DTWD2: variants seen among roughly 807,000 people sequenced by gnomAD.
DTWD2 encodes DTW motif tRNA-uridine aminocarboxypropyltransferase 2, also known as tRNA-uridine aminocarboxypropyltransferase 2.
DTWD2 carries 39 observed loss-of-function variants against 31.8 expected under a neutral mutation model. The observed-to-expected ratio is 1.22, with a 90% CI of 0.95 to 1.60. The LOEUF (loss-of-function observed/expected upper bound fraction) is 1.60, where lower values mean the gene tolerates loss of function less well. Among genes scored for constraint, DTWD2 ranks in the 40% most tolerant of loss-of-function variants. DTWD2 has a pLI of 0.00. For synonymous variants in DTWD2, 180 were observed against 142.8 expected, an observed-to-expected ratio of 1.26 and a Z score of -1.86; for missense variants, 515 against 381.5, an observed-to-expected ratio of 1.35 and a Z score of -2.92.
At chr5:118,932,703 A>G (rs1753954939) in intron 3 of DTWD2, among the ~76,000 whole-genome samples, 1 of 152,188 alleles carries the variant, frequency 6.6e-6, no homozygotes, top group South Asian at 2.1e-4. Context: ...GTTCAGAGGG[A>G]CAACCATATG....
At chr5:118,872,106 CCT>C (rs2149550062) in intron 4 of DTWD2, among the ~76,000 whole-genome samples, 1 of 152,310 alleles carries the variant, frequency 6.6e-6, no homozygotes, top group East Asian at 1.9e-4. Context: ...AGCTTCATCA[CCT>C]CTCTCAATCT....
chr5:118,930,643 A>C (rs542072199), intron 3 of DTWD2, among the ~76,000 whole-genome samples: 1 of 152,220 alleles, frequency 6.6e-6, no homozygotes, highest in Non-Finnish European at 1.5e-5. Flanking sequence ...TTTTCTACCT[A>C]TTATTTAACC....
intron 3 of DTWD2, among the ~76,000 whole-genome samples, chr5:118,932,251 A>G (rs566565899): frequency 6.7e-6 from 1 of 150,046 alleles, no homozygotes; most frequent in East Asian, 2.0e-4. Context: ...CAGAGGCAGG[A>G]GGGTCACTTG....
intron 1 of DTWD2, among the ~76,000 whole-genome samples, chr5:118,985,515 T>TATATAC: frequency 7.6e-6 from 1 of 132,048 alleles, no homozygotes; most frequent in Non-Finnish European, 1.6e-5. Context: ...TATATATATA[T>TATATAC]ATACACACAC....
At chr5:118,863,153 G>A (rs543048983) in intron 4 of DTWD2, among the ~76,000 whole-genome samples, 71 of 152,202 alleles carry the variant, frequency 4.7e-4, no homozygotes, top group Non-Finnish European at 9.3e-4. Flanking sequence ...ACTGCGTTAC[G>A]TTTTTCAGTT....
intron 1 of DTWD2, among the ~76,000 whole-genome samples, chr5:118,968,743 G>C (rs1166948943): frequency 1.3e-5 from 2 of 152,202 alleles, no homozygotes; most frequent in Non-Finnish European, 2.9e-5. Context: ...TGCATACTCT[G>C]GCCCTGGGAA....
At chr5:118,847,231 GAGAA>G (rs745496142) in intron 5 of DTWD2, among the ~76,000 whole-genome samples, 1 of 152,146 alleles carries the variant, frequency 6.6e-6, no homozygotes, top group East Asian at 1.9e-4. Context: ...AATGGATAAT[GAGAA>G]AGAAAGAAGG....
chr5:118,851,124 G>A (rs909848901), intron 4 of DTWD2, among the ~76,000 whole-genome samples: 5 of 150,252 alleles, frequency 3.3e-5, no homozygotes, highest in Non-Finnish European at 7.4e-5. Flanking sequence ...GTACACATCT[G>A]TGGAGAATCA....
chr5:118,880,652 T>C (rs1203714493), intron 4 of DTWD2, among the ~76,000 whole-genome samples: 1 of 152,180 alleles, frequency 6.6e-6, no homozygotes, highest in Non-Finnish European at 1.5e-5. Context: ...TATTCATTAT[T>C]CTGAAAACAA....
chr5:118,852,705 A>G (rs938070570), intron 4 of DTWD2, among the ~76,000 whole-genome samples: 6 of 127,484 alleles, frequency 4.7e-5, no homozygotes, highest in African/African-American at 1.7e-4. Flanking sequence ...TGACCCAGAA[A>G]TCTCATAACT....
At chr5:118,927,991 A>C (rs1162319162) in intron 4 of DTWD2, among the ~76,000 whole-genome samples, 1 of 152,146 alleles carries the variant, frequency 6.6e-6, no homozygotes, top group Non-Finnish European at 1.5e-5. Flanking sequence ...AATGTTTAAT[A>C]GTTTACTCAG....
intron 4 of DTWD2, among the ~76,000 whole-genome samples, chr5:118,863,025 C>T (rs927525967): frequency 2.6e-5 from 4 of 151,814 alleles, no homozygotes; most frequent in African/African-American, 9.7e-5. Flanking sequence ...CTGACTTAGC[C>T]AAACCTGAAC....
chr5:118,925,834 G>A (rs1158647542), intron 4 of DTWD2, among the ~76,000 whole-genome samples: 1 of 151,076 alleles, frequency 6.6e-6, no homozygotes, highest in Non-Finnish European at 1.5e-5. Context: ...GACAAAGCAA[G>A]ACTCCATCTC....
intron 1 of DTWD2, among the ~76,000 whole-genome samples, chr5:118,947,747 C>A (rs554850717): frequency 6.6e-6 from 1 of 152,304 alleles, no homozygotes; most frequent in African/African-American, 2.4e-5. Flanking sequence ...CCTAGAATTT[C>A]TCTGCCTCCT....
At chr5:118,872,584 T>A (rs1752530327) in intron 4 of DTWD2, among the ~76,000 whole-genome samples, 1 of 152,134 alleles carries the variant, frequency 6.6e-6, no homozygotes, top group Non-Finnish European at 1.5e-5. Flanking sequence ...ACACAAAACA[T>A]TGATTAAGTT....
chr5:118,954,436 A>T (rs1754539802), intron 1 of DTWD2, among the ~76,000 whole-genome samples: 2 of 152,162 alleles, frequency 1.3e-5, no homozygotes, highest in African/African-American at 4.8e-5. Flanking sequence ...GGAGGCAAGG[A>T]CTTAGCCTAC....
intron 4 of DTWD2, among the ~76,000 whole-genome samples, chr5:118,922,707 T>C (rs949403688): frequency 6.6e-6 from 1 of 152,190 alleles, no homozygotes; most frequent in Non-Finnish European, 1.5e-5. Context: ...ATAAACTATA[T>C]ACAGTAGACT....
chr5:118,969,811 C>G (rs1188442894), intron 1 of DTWD2, among the ~76,000 whole-genome samples: 1 of 152,084 alleles, frequency 6.6e-6, no homozygotes. Context: ...AGCATGGGTA[C>G]AGAACTAGGC....
chr5:118,901,611 A>G (rs968470760), intron 4 of DTWD2, among the ~76,000 whole-genome samples: 17 of 152,200 alleles, frequency 1.1e-4, no homozygotes, highest in African/African-American at 4.1e-4. Context: ...AAAATCTTGT[A>G]TCCAGCTAAG....
Sources: allele counts gnomAD v4.1 joint callset (sites outside exome capture counted in the v4.1 genomes callset), GRCh38; gene constraint gnomAD v4.1.1; transcripts MANE v1.5; gene names NCBI Gene and HGNC (gene_info 2026-07-23, HGNC 2026-07-21).